C2CD5: variants seen among roughly 807,000 people sequenced by gnomAD.
C2CD5 encodes the protein C2 calcium dependent domain containing 5.
Under a neutral mutation model 130.3 loss-of-function variants are expected in C2CD5, and 109 were observed. The observed-to-expected ratio is 0.84, with a 90% CI of 0.72 to 0.98. The LOEUF is 0.98. Ranked by LOEUF, C2CD5 falls within the 50% of genes least tolerant of loss-of-function variation. The pLI is 0.00. For missense variants in C2CD5, 996 were observed against 1,261.8 expected, an observed-to-expected ratio of 0.79 and a Z score of 3.19; for synonymous variants, 454 against 429.2, an observed-to-expected ratio of 1.06 and a Z score of -0.71.
At chr12:22,505,697 C>G (rs766279221) in intron 10 of C2CD5, among the ~76,000 whole-genome samples, 3 of 152,170 alleles carry the variant, frequency 2.0e-5, no homozygotes, top group South Asian at 2.1e-4. Context: ...AGAAAAATCA[C>G]CAGAGGATTT....
chr12:22,478,770 C>T (rs1410419422), intron 14 of C2CD5, among the ~76,000 whole-genome samples: 1 of 151,738 alleles, frequency 6.6e-6, no homozygotes, highest in Non-Finnish European at 1.5e-5. Flanking sequence ...CACTTGAACC[C>T]GGGAGGCAGA....
At chr12:22,532,946 C>A (rs1440557796) in intron 3 of C2CD5, among the ~76,000 whole-genome samples, 1 of 152,042 alleles carries the variant, frequency 6.6e-6, no homozygotes, top group Non-Finnish European at 1.5e-5. Context: ...CTTAAGTAGT[C>A]CAATGAAAAT....
chr12:22,541,863 A>C (rs987292685), intron 2 of C2CD5, among the ~76,000 whole-genome samples: 2 of 152,200 alleles, frequency 1.3e-5, no homozygotes, highest in Admixed American at 6.5e-5. Flanking sequence ...AATTAAGAGA[A>C]GGAACCAAGT....
intron 4 of C2CD5, 108 bp downstream of exon 4, chr12:22,527,613 T>A: frequency 1.5e-6 from 1 of 649,106 alleles, no homozygotes; most frequent in Non-Finnish European, 2.4e-6. Context: ...CCACCGCACC[T>A]AGCCTAAAGA....
chr12:22,507,065 A>C (rs895549447), intron 9 of C2CD5: 5 of 304,636 alleles, frequency 1.6e-5, no homozygotes, highest in African/African-American at 1.1e-4. Flanking sequence ...TGAAGAAAAA[A>C]AAAGTGTTCC....
chr12:22,495,842 C>G (rs540517718), intron 10 of C2CD5, among the ~76,000 whole-genome samples: 1 of 152,004 alleles, frequency 6.6e-6, no homozygotes, highest in East Asian at 1.9e-4. Context: ...AAAGCAGATT[C>G]AGCATACAGG....
In C2CD5 at chr12:22,478,555, G is replaced by A. The variant is rs1200091705; in HGVS notation, c.1738-78C>T. The A allele has an allele frequency of 3.1e-6, 4 of 1,282,272 alleles. No homozygotes were observed. In the East Asian group the frequency reaches 1.0e-4, roughly 32 times the overall value. 79.4% of individuals were successfully genotyped at this position (1,282,272 alleles called of 1,614,324 possible). A position where few individuals can be genotyped will look rare whatever the true frequency, so the allele number is the denominator to read the frequency against. On this transcript the variant is annotated intron_variant, in intron 14 of 26. Transcript: ENST00000446597. ...TCCTTAAGTTTTCATATTTAAGAAT[G>A]TGGTCAACAGCTGGGTGCAGTGGCT...
At chr12:22,528,543 A>G (rs907273510) in intron 3 of C2CD5, among the ~76,000 whole-genome samples, 15 of 152,198 alleles carry the variant, frequency 9.9e-5, no homozygotes, top group Non-Finnish European at 2.1e-4. Flanking sequence ...ATATCATGCC[A>G]TTATCTAATT....
At chr12:22,478,144 C>T in intron 15 of C2CD5, 169 bp downstream of exon 15, 2 of 610,638 alleles carry the variant, frequency 3.3e-6, no homozygotes, top group Non-Finnish European at 5.8e-6. Flanking sequence ...TTAGAGTAGG[C>T]TTACCCGAAA....
chr12:22,472,898 A>G (rs1173949302), intron 16 of C2CD5, 91 bp from the exon 17 acceptor site: 6 of 763,102 alleles, frequency 7.9e-6, no homozygotes, highest in Non-Finnish European at 1.3e-5. Flanking sequence ...AAGAAAAGGC[A>G]GAGTCATTTT....
chr12:22,490,318 CAA>C (rs1245244252), intron 11 of C2CD5, 100 bp from the exon 12 acceptor site: 3 of 754,236 alleles, frequency 4.0e-6, no homozygotes, highest in Non-Finnish European at 6.7e-6. Flanking sequence ...AATTTAAGTT[CAA>C]GTTAGACTCT....
chr12:22,520,787 G>A (rs1950200470), intron 7 of C2CD5, among the ~76,000 whole-genome samples: 1 of 151,948 alleles, frequency 6.6e-6, no homozygotes, highest in South Asian at 2.1e-4. Context: ...AGAGAGTTAA[G>A]CTGGAAAACA....
intron 19 of C2CD5, among the ~76,000 whole-genome samples, 183 bp downstream of exon 19, chr12:22,471,784 A>T (rs1943082342): frequency 6.6e-6 from 1 of 152,004 alleles, no homozygotes; most frequent in South Asian, 2.1e-4. Context: ...TTCTTTTATA[A>T]TTTGATATAG....
chr12:22,485,077 T>C (rs1425942846), intron 12 of C2CD5, among the ~76,000 whole-genome samples, 189 bp from the exon 13 acceptor site: 1 of 151,992 alleles, frequency 6.6e-6, no homozygotes, highest in Non-Finnish European at 1.5e-5. Context: ...AACCATACAT[T>C]TTTCCTATGA....
intron 15 of C2CD5, among the ~76,000 whole-genome samples, 157 bp from the exon 16 acceptor site, chr12:22,475,048 T>C (rs1943642396): frequency 6.6e-6 from 1 of 152,160 alleles, no homozygotes; most frequent in Non-Finnish European, 1.5e-5. Context: ...ACTAAACTTT[T>C]ATAGCAGATA....
At chr12:22,498,240 A>G (rs1407973020) in intron 10 of C2CD5, among the ~76,000 whole-genome samples, 1 of 152,124 alleles carries the variant, frequency 6.6e-6, no homozygotes, top group East Asian at 1.9e-4. Flanking sequence ...ACACACCAAA[A>G]TAGTGTAAGA....
At chr12:22,504,353 GT>G (rs1390603641) in intron 10 of C2CD5, among the ~76,000 whole-genome samples, 1 of 149,298 alleles carries the variant, frequency 6.7e-6, no homozygotes, top group Non-Finnish European at 1.5e-5. Flanking sequence ...CCAGGCTGGA[GT>G]GCAGTGGCAC....
intron 14 of C2CD5, among the ~76,000 whole-genome samples, chr12:22,479,822 A>G (rs1332903047): frequency 6.6e-6 from 1 of 152,244 alleles, no homozygotes; most frequent in Non-Finnish European, 1.5e-5. Context: ...TTATGTGTAA[A>G]TATGCTAATA....
chr12:22,461,652 C>G (rs780738216), intron 22 of C2CD5, among the ~76,000 whole-genome samples: 1 of 151,970 alleles, frequency 6.6e-6, no homozygotes, highest in Non-Finnish European at 1.5e-5. Flanking sequence ...GAGAAGAGAG[C>G]TTTATTCTGG....
Sources: allele counts gnomAD v4.1 joint callset (sites outside exome capture counted in the v4.1 genomes callset), GRCh38; gene constraint gnomAD v4.1.1; transcripts MANE v1.5; gene names NCBI Gene and HGNC (gene_info 2026-07-23, HGNC 2026-07-21).